Variants in BNIPL observed in about 807,000 individuals in gnomAD.
BNIPL encodes bcl-2/adenovirus E1B 19 kDa-interacting protein 2-like protein.
Under a neutral mutation model 47.0 loss-of-function variants are expected in BNIPL, and 33 were observed. That is an observed-to-expected ratio of 0.70 (90% CI 0.53 to 0.94). BNIPL has a LOEUF of 0.94. Ranked by LOEUF, BNIPL falls within the 40% of genes least tolerant of loss-of-function variation. The probability of loss-of-function intolerance (pLI) is 0.00; values close to 1 mark genes in which losing one functional copy is unlikely to be tolerated. For missense variants in BNIPL, 404 were observed against 445.2 expected (o/e 0.91, Z 0.83); for synonymous variants, 145 against 162.7 (o/e 0.89, Z 0.83).
intron 4 of BNIPL, among the ~76,000 whole-genome samples, chr1:151,039,722 T>A (rs2102961202): frequency 6.6e-6 from 1 of 152,304 alleles, no homozygotes; most frequent in African/African-American, 2.4e-5. Context: ...AGGTTTTATC[T>A]TATAGACAAT....
At position 151,038,153 on chromosome 1, in the gene BNIPL, T is replaced by C. The variant is rs989449558; in HGVS notation, c.138-351T>C. 2.0e-5 allele frequency among the ~76,000 whole-genome samples: 3 copies of C among 151,796 alleles called. No individual in the cohort carries two copies. In the East Asian group the frequency reaches 5.8e-4, roughly 29 times the overall value. ...ACTTTGGGAGGCCGAGGCAGGTGGA[T>C]CACTTGAGCTCAGAAGTTCAAGACT... On this transcript the variant is annotated intron_variant, in intron 2 of 9. Coordinates refer to ENST00000368931, the MANE Select transcript of BNIPL (RefSeq NM_138278.4).
rs771193496 is a variant in BNIPL at position 151,046,627 on chromosome 1, C to G, written c.1038-24C>G. 13 of 1,590,796 alleles carry G rather than the reference C, an allele frequency of 8.2e-6. No individual in the cohort carries two copies. In the South Asian group the frequency reaches 1.3e-4, roughly 16 times the overall value. ...AAGTCCTACCCCCTGAACCACTTCT[C>G]TCCTCCCCCTCTCCCTCTCCTAGGC... On this transcript the variant is annotated intron_variant, in intron 9 of 9. Coordinates refer to ENST00000368931, the MANE Select transcript of BNIPL (RefSeq NM_138278.4).
At position 151,038,941 on chromosome 1, in the gene BNIPL, T is replaced by C. The variant is rs1361884330; in HGVS notation, c.348T>C (p.Asp116=). The change falls in exon 4 of 10, where the codon GAT becomes GAC. Residue 116 remains aspartate, a synonymous_variant. Transcript: ENST00000368931. ...SPTQSAPSSP[D]GSSDLEIDEL... Reference sequence around the variant, plus strand: ...CCCAGTCTGCACCTTCCTCTCCTGATGGCAGTTCTGACCTGGAGATAGACG... The same window carrying C: ...CCCAGTCTGCACCTTCCTCTCCTGACGGCAGTTCTGACCTGGAGATAGACG... The C allele has an allele frequency of 6.2e-7, 1 of 1,613,970 alleles. No homozygotes were observed. The highest frequency in any genetic ancestry group is 1.1e-5 in the South Asian group (1 of 91,070).
In BNIPL at chr1:151,042,967, C is replaced by T. The variant is rs151319763; in HGVS notation, c.445C>T (p.Arg149Trp). ...HEFEWEDELP[R>W]AEGLGTSETA... ...TCCCTCTCTTTTAGATGAACTACCC[C>T]GGGCAGAGGGTCTGGGCACCAGTGA... The change falls in exon 5 of 10, where the codon CGG becomes TGG. Residue 149 changes from arginine to tryptophan, a missense_variant. By Grantham distance (101) the Arg-to-Trp change is moderately radical (BLOSUM62 -3). Transcript: ENST00000368931. The T allele has an allele frequency of 7.6e-6, 12 of 1,579,430 alleles. No homozygotes were observed. The highest frequency in any genetic ancestry group is 5.9e-5 in the South Asian group (5 of 85,394).
chr1:151,042,081 GTAT>G (rs141907501), intron 4 of BNIPL, among the ~76,000 whole-genome samples: 1,660 of 151,890 alleles, frequency 0.011, 42 homozygotes, highest in African/African-American at 0.038. Context: ...TGCCCAGGCT[GTAT>G]TATTATTATT....
chr1:151,045,613 A>G (rs2102967930), intron 7 of BNIPL, 184 bp from the exon 8 acceptor site: 2 of 827,260 alleles, frequency 2.4e-6, no homozygotes, highest in Non-Finnish European at 1.7e-6. Context: ...AGGATCATGG[A>G]GGGCTAAATA....
chr1:151,043,842 C>T, intron 7 of BNIPL, 115 bp downstream of exon 7: 1 of 1,271,026 alleles, frequency 7.9e-7, no homozygotes, highest in Non-Finnish European at 1.1e-6. Context: ...TTTTACGTTC[C>T]TTTCCCAGCT....
At chr1:151,039,198 G>C (rs913649550) in intron 4 of BNIPL, among the ~76,000 whole-genome samples, 172 bp downstream of exon 4, 4 of 152,164 alleles carry the variant, frequency 2.6e-5, no homozygotes, top group Non-Finnish European at 5.9e-5. Flanking sequence ...TGTGAGAGTA[G>C]TCAGTAGAGG....
chr1:151,041,055 C>G (rs1284513180), intron 4 of BNIPL, among the ~76,000 whole-genome samples: 6 of 151,784 alleles, frequency 4.0e-5, no homozygotes, highest in South Asian at 2.1e-4. Context: ...CTTTGTGGCA[C>G]AGACCTGTAG....
intron 4 of BNIPL, among the ~76,000 whole-genome samples, chr1:151,040,131 G>A (rs1361845209): frequency 1.3e-5 from 2 of 152,148 alleles, no homozygotes; most frequent in Non-Finnish European, 2.9e-5. Flanking sequence ...AGATCCAGCA[G>A]TAAGGTATTA....
intron 6 of BNIPL, 75 bp downstream of exon 6, chr1:151,043,509 A>T (rs1293857549): frequency 7.7e-6 from 12 of 1,554,922 alleles, no homozygotes; most frequent in Non-Finnish European, 1.1e-5. Flanking sequence ...TTCAAAGATC[A>T]GTAGCTGATG....
chr1:151,038,322 T>G, intron 2 of BNIPL, 182 bp from the exon 3 acceptor site: 1 of 606,208 alleles, frequency 1.6e-6, no homozygotes, highest in Admixed American at 2.9e-5. Flanking sequence ...TGCAGTGAGC[T>G]GTGATTGTGC....
Position 151,043,083 on chromosome 1 carries a change from G to C in BNIPL, c.561G>C (p.Glu187Asp), listed in dbSNP as rs1478608002. The C allele has an allele frequency of 6.2e-7, 1 of 1,612,028 alleles. No individual in the cohort carries two copies. The highest frequency in any genetic ancestry group is 8.5e-7 in the Non-Finnish European group (1 of 1,179,500). Residue 187 changes from glutamate to aspartate, a missense_variant, in exon 5 of 10, where the codon GAG becomes GAC. Transcript: ENST00000368931. ...HWRVFRMGPR[E>D]QRVDMTVIEP... ...GGGTGTTCCGAATGGGACCACGGGAGCAGCGCGTAGACATGACTGTCATTG... is the reference window on the plus strand; with the variant it reads ...GGGTGTTCCGAATGGGACCACGGGACCAGCGCGTAGACATGACTGTCATTG...
chr1:151,043,532 G>C, intron 6 of BNIPL, 64 bp from the exon 7 acceptor site: 1 of 1,560,068 alleles, frequency 6.4e-7, no homozygotes, highest in Non-Finnish European at 8.8e-7. Flanking sequence ...AGAGTCTACA[G>C]TAATGTTCCT....
chr1:151,040,237 A>G (rs1205148618), intron 4 of BNIPL, among the ~76,000 whole-genome samples: 2 of 152,164 alleles, frequency 1.3e-5, no homozygotes, highest in African/African-American at 2.4e-5. Flanking sequence ...CTGGAGTGCA[A>G]TGGCACAATC....
chr1:151,044,808 AT>A, intron 7 of BNIPL: 2 of 1,274,500 alleles, frequency 1.6e-6, no homozygotes, highest in Non-Finnish European at 1.0e-6. Context: ...TGGTTCCCCC[AT>A]CTCCATTTGC....
chr1:151,044,858 T>A, intron 7 of BNIPL: 1 of 1,289,972 alleles, frequency 7.8e-7, no homozygotes, highest in Non-Finnish European at 1.0e-6. Context: ...TTTTTCGTCC[T>A]TGCTGGTCTT....
Position 151,039,041 on chromosome 1 carries a change from A to G in BNIPL, c.433+15A>G. On this transcript the variant is annotated intron_variant, in intron 4 of 9. Coordinates refer to ENST00000368931, the MANE Select transcript of BNIPL (RefSeq NM_138278.4). ...TGAATGGGAAGGTGGGAAACAAACC[A>G]GAGGACTCAGCTGGTAGAAGTAGAG... is the stretch of plus-strand genomic sequence containing the variant. 6.4e-7 allele frequency: 1 copy of G among 1,554,754 alleles called. No individual in the cohort carries two copies. Among genetic ancestry groups the G allele is most frequent in the Non-Finnish European group, 8.7e-7 (1 of 1,150,344 alleles).
chr1:151,045,387 G>A (rs1675980076), intron 7 of BNIPL, among the ~76,000 whole-genome samples: 1 of 150,040 alleles, frequency 6.7e-6, no homozygotes, highest in Non-Finnish European at 1.5e-5. Context: ...GTGAAACCCC[G>A]TCTCTACTAA....
Sources: gnomAD v4.1 joint callset for allele counts (sites outside exome capture counted in the v4.1 genomes callset) on GRCh38, gnomAD v4.1.1 for gene constraint, MANE v1.5 for transcripts, NCBI Gene and HGNC (gene_info 2026-07-23, HGNC 2026-07-21) for gene names.